PLEKHN1: variants seen among roughly 807,000 people sequenced by gnomAD.
PLEKHN1 encodes the protein pleckstrin homology domain-containing family N member 1.
Under a neutral mutation model 72.8 loss-of-function variants are expected in PLEKHN1, and 68 were observed. The ratio of observed to expected loss-of-function variants is 0.93; its 90% CI spans 0.77 to 1.14. The LOEUF (loss-of-function observed/expected upper bound fraction) is 1.14, where lower values mean the gene tolerates loss of function less well. PLEKHN1 is among the 50% of genes most tolerant of loss of function. The pLI, the probability that PLEKHN1 is intolerant of heterozygous loss-of-function variation, is 0.00. For missense variants in PLEKHN1, 1,015 were observed against 840.5 expected (o/e 1.21, Z -2.57); for synonymous variants, 454 against 371.6 (o/e 1.22, Z -2.55).
At chr1:969,395 G>C (rs1643165726) in intron 2 of PLEKHN1, among the ~76,000 whole-genome samples, 1 of 152,130 alleles carries the variant, frequency 6.6e-6, no homozygotes, top group Non-Finnish European at 1.5e-5. Context: ...ACACATCTGT[G>C]TGTATATGCA....
In PLEKHN1 at chr1:970,433, G is replaced by A. The variant is rs528526632; in HGVS notation, c.330+10G>A. ...GTTCCAGCACAGCCAGGTGGGGGCC[G>A]GGCTGGGTGGAGCACGCTAAGGGTG... On this transcript the variant is annotated intron_variant, in intron 3 of 15. Coordinates refer to ENST00000379410, the MANE Select transcript of PLEKHN1 (RefSeq NM_032129.3). This position sits in a 1 kb window ranked among gnomAD's most constrained non-coding sequence, Gnocchi z 4.2. The A allele has an allele frequency of 1.6e-4, 263 of 1,613,214 alleles. 3 individuals are homozygous for A. The South Asian group carries it at 2.0e-3, about 12-fold the overall frequency.
At position 973,892 on chromosome 1, in the gene PLEKHN1, G is replaced by A. The variant is rs1167363595; in HGVS notation, c.1494G>A (p.Val498=). The A allele has an allele frequency of 4.3e-6, 7 of 1,611,014 alleles. No homozygotes were observed. Among genetic ancestry groups the A allele is most frequent in the African/African-American group, 2.7e-5 (2 of 74,890 alleles). The part of the protein sequence containing the change: ...GPTPSSPLPS[V]PVSVPASDPR... ...CGCCCTCGAGCCCACTCCCCTCGGT[G>A]CCTGTGTCTGTGCCTGCCTCTGACC... The change falls in exon 14 of 16, where the codon GTG becomes GTA. Residue 498 remains valine (V), a synonymous_variant. Transcript: ENST00000379410.
At chr1:972,449 C>A in intron 10 of PLEKHN1, 25 bp downstream of exon 10, 1 of 1,542,250 alleles carries the variant, frequency 6.5e-7, no homozygotes, top group Non-Finnish European at 8.7e-7. Context: ...GGCCCCACAG[C>A]CCAGGTCCTG....
In PLEKHN1 at chr1:970,530, G is replaced by T. The variant is rs149041637; in HGVS notation, c.340G>T (p.Asp114Tyr). 2 of 1,613,110 alleles carry T rather than the reference G, an allele frequency of 1.2e-6. No homozygotes were observed. The highest frequency in any genetic ancestry group is 1.7e-5 in the Admixed American group (1 of 60,014). ...CCTGCTCCCCGCGCAGGATGTCAGC[G>T]ACTGCTACCTGGAGCTATTCCCCGC... ...LRFQHSQDVS[D>Y]CYLELFPAHL... The change falls in exon 4 of 16, where the codon GAC (aspartate) becomes TAC (tyrosine). Residue 114 changes from aspartate (D) to tyrosine (Y), a missense_variant. Physicochemically the swap from Asp to Tyr is radical, Grantham distance 160. Coordinates refer to ENST00000379410, the MANE Select transcript of PLEKHN1 (RefSeq NM_032129.3). This position sits in a 1 kb window ranked among gnomAD's most constrained non-coding sequence, Gnocchi z 4.2.
At chr1:968,975 C>T (rs28695703) in intron 2 of PLEKHN1, among the ~76,000 whole-genome samples, 8,319 of 152,214 alleles carry the variant, frequency 0.055, 745 homozygotes, top group African/African-American at 0.19. Context: ...GAGGATCGAC[C>T]CCAGAAATCT....
intron 2 of PLEKHN1, among the ~76,000 whole-genome samples, chr1:969,592 G>A (rs1643185046): frequency 6.6e-6 from 1 of 152,052 alleles, no homozygotes; most frequent in Non-Finnish European, 1.5e-5. Context: ...GTGTGGATAT[G>A]TATGCATGTA....
rs1416308302 is a variant in PLEKHN1, at chr1:970,090, G to A, written c.184-187G>A. On this transcript the variant is annotated intron_variant, in intron 2 of 15. Coordinates refer to ENST00000379410, the MANE Select transcript of PLEKHN1 (RefSeq NM_032129.3). The surrounding 1 kb of genome is among the most constrained non-coding windows in gnomAD (Gnocchi z 4.2). The stretch of plus-strand genomic sequence containing the variant: ...TGCACAGGTTCTGTGCCTGTGGGGG[G>A]CTGTTCTTCACGTATGTGTTGTGTG... Among the ~76,000 whole-genome samples the A allele has an allele frequency of 2.7e-5, 4 of 148,418 alleles. No homozygotes were observed. Among genetic ancestry groups the A allele is most frequent in the Admixed American group, 1.3e-4 (2 of 15,026 alleles).
chr1:970,893 C>T lies in PLEKHN1; in HGVS notation c.499C>T (p.Pro167Ser). The change falls in exon 6 of 16, where the codon CCC (proline) becomes TCC (serine). Residue 167 changes from proline to serine, a missense_variant. Coordinates refer to ENST00000379410, the MANE Select transcript of PLEKHN1 (RefSeq NM_032129.3). The surrounding 1 kb of genome is among the most constrained non-coding windows in gnomAD (Gnocchi z 4.2). ...AFQITGPLPAPLLVLCPSRAE... is the reference protein window; with the variant it reads ...AFQITGPLPASLLVLCPSRAE... Reference sequence around the variant, plus strand: ...CCTGCCCGCAGGCCCACTGCCCGCACCCCTCCTGGTGCTCTGCCCCAGCCG... The same window carrying T: ...CCTGCCCGCAGGCCCACTGCCCGCATCCCTCCTGGTGCTCTGCCCCAGCCG... The T allele has an allele frequency of 6.2e-7, 1 of 1,611,120 alleles. No individual in the cohort carries two copies. The highest frequency in any genetic ancestry group is 1.3e-5 in the African/African-American group (1 of 75,002).
intron 2 of PLEKHN1, among the ~76,000 whole-genome samples, chr1:969,725 T>C (rs566075542): frequency 2.7e-4 from 41 of 151,156 alleles, no homozygotes; most frequent in Admixed American, 8.0e-4. Flanking sequence ...TGTGTATGCA[T>C]CTGTGTCTGT....
Position 966,658 on chromosome 1 carries a change from C to T in PLEKHN1, c.83+44C>T, listed in dbSNP as rs762187462. 8 of 1,588,586 alleles carry T rather than the reference C, an allele frequency of 5.0e-6. No homozygotes were observed. The Admixed American group carries it at 1.2e-4, about 24-fold the overall frequency. ...CGGCCACCTGGGCGCAGGGCTCCCC[C>T]ACCCGCTCCGGGGCCAAGCCACGAG... On this transcript the variant is annotated intron_variant, in intron 1 of 15. Transcript: ENST00000379410.
Position 972,930 on chromosome 1 carries a change from C to T in PLEKHN1, c.1072C>T (p.Pro358Ser). The change falls in exon 11 of 16, where the codon CCC becomes TCC. Residue 358 changes from proline to serine, a missense_variant. Pro to Ser is a moderately conservative substitution (Grantham distance 74). Coordinates refer to ENST00000379410, the MANE Select transcript of PLEKHN1 (RefSeq NM_032129.3). ...CAGCTGGGACTCGGGGTGCTTGGCG[C>T]CCCCCTCCACCCGCACCAGCCACTC... ...QTSWDSGCLA[P>S]PSTRTSHSLP... The T allele has an allele frequency of 6.4e-7, 1 of 1,562,124 alleles. No individual in the cohort carries two copies. The highest frequency in any genetic ancestry group is 8.7e-7 in the Non-Finnish European group (1 of 1,153,246).
At position 970,911 on chromosome 1, in the gene PLEKHN1, C is replaced by T. The variant is rs538928859; in HGVS notation, c.517C>T (p.Pro173Ser). The change falls in exon 6 of 16, where the codon CCC (proline) becomes TCC (serine). Residue 173 changes from proline (P) to serine (S), a missense_variant. Coordinates refer to ENST00000379410, the MANE Select transcript of PLEKHN1 (RefSeq NM_032129.3). The surrounding 1 kb of genome is among the most constrained non-coding windows in gnomAD (Gnocchi z 4.2). ...PLPAPLLVLC[P>S]SRAELDRWLY... ...GCCCGCACCCCTCCTGGTGCTCTGCCCCAGCCGGGCCGAGCTGGACCGCTG... is the reference window on the plus strand; with the variant it reads ...GCCCGCACCCCTCCTGGTGCTCTGCTCCAGCCGGGCCGAGCTGGACCGCTG... The T allele has an allele frequency of 3.4e-4, 548 of 1,610,748 alleles. 5 individuals carry two copies. In the South Asian group the frequency reaches 5.7e-3, roughly 17 times the overall value.
rs572032419 is a variant in PLEKHN1 at position 973,023 on chromosome 1, G to A, written c.1152+13G>A. The A allele has an allele frequency of 1.4e-5, 22 of 1,591,780 alleles. No homozygotes were observed. In the East Asian group the frequency reaches 1.8e-4, roughly 13 times the overall value. On this transcript the variant is annotated intron_variant, in intron 11 of 15. Coordinates refer to ENST00000379410, the MANE Select transcript of PLEKHN1 (RefSeq NM_032129.3). ...CCAGCACACACCGGTGAGCGCTTAC[G>A]GGGTGGCAGACGAAAGTGGGGCAGA...
At chr1:966,917 C>A in intron 2 of PLEKHN1, 114 bp downstream of exon 2, 1 of 1,184,152 alleles carries the variant, frequency 8.4e-7, no homozygotes, top group Non-Finnish European at 1.1e-6. Context: ...CGTTCAGACC[C>A]CGGTAGGTGA....
chr1:972,154 G>A lies in PLEKHN1; in HGVS notation c.865+4G>A. The A allele has an allele frequency of 1.2e-6, 2 of 1,612,814 alleles. No homozygotes were observed. The highest frequency in any genetic ancestry group is 8.5e-7 in the Non-Finnish European group (1 of 1,179,754). ...ATCCGCTCCTTCCTGATTGAAGGTA[G>A]GGCCCTGACCCTGGTTCTGCCTCCC... is the stretch of plus-strand genomic sequence containing the variant. On this transcript the variant is annotated splice_donor_region_variant and intron_variant, in intron 9 of 15. Transcript: ENST00000379410.
chr1:970,548 T>C lies in PLEKHN1; in HGVS notation c.358T>C (p.Phe120Leu). 1 of 1,613,126 alleles carries C rather than the reference T, an allele frequency of 6.2e-7. No homozygotes were observed. The highest frequency in any genetic ancestry group is 2.2e-5 in the East Asian group (1 of 44,862). ...TGTCAGCGACTGCTACCTGGAGCTA[T>C]TCCCCGCCCACCTGTACTTCCAGGC... ...QDVSDCYLEL[F>L]PAHLYFQAHG... is the part of the protein sequence containing the mutation. Residue 120 changes from phenylalanine to leucine, a missense_variant, in exon 4 of 16, where the codon TTC (phenylalanine) becomes CTC (leucine). Transcript: ENST00000379410. The surrounding 1 kb of genome is among the most constrained non-coding windows in gnomAD (Gnocchi z 4.2).
In PLEKHN1 at chr1:974,674, G is replaced by A. The variant is rs993146364; in HGVS notation, c.*99G>A. On this transcript the variant is annotated 3_prime_UTR_variant, in exon 16 of 16. Coordinates refer to ENST00000379410, the MANE Select transcript of PLEKHN1 (RefSeq NM_032129.3). Reference sequence around the variant, plus strand: ...AATTACAAGTCAGGGTCTGAACCCAGTGTGATGGGGGGAGTCTCTGGGGCC... The same window carrying A: ...AATTACAAGTCAGGGTCTGAACCCAATGTGATGGGGGGAGTCTCTGGGGCC... The A allele has an allele frequency of 8.4e-6, 12 of 1,423,262 alleles. No homozygotes were observed. The highest frequency in any genetic ancestry group is 1.1e-5 in the Non-Finnish European group (12 of 1,069,202). 88.2% of individuals were successfully genotyped at this position (1,423,262 alleles called of 1,614,324 possible). A position where few individuals can be genotyped will look rare whatever the true frequency, so the allele number is the denominator to read the frequency against.
At chr1:974,236 G>A (rs1643500395) in intron 14 of PLEKHN1, 80 bp from the exon 15 acceptor site, 10 of 1,595,390 alleles carry the variant, frequency 6.3e-6, no homozygotes, top group Middle Eastern at 1.8e-4. Flanking sequence ...GGACATGGGG[G>A]GCTGCACAGT....
rs1037117285 is a variant in PLEKHN1, at chr1:967,008, T to C, written c.183+205T>C. ...GGAGAGCGAAACCGCGACGCAGGAC[T>C]GAGTCAGTCGGGAGAGAGCTGGGCG... On this transcript the variant is annotated intron_variant, in intron 2 of 15. Transcript: ENST00000379410. Among the ~76,000 whole-genome samples, 3 of 152,290 alleles carry C rather than the reference T, an allele frequency of 2.0e-5. No homozygotes were observed. The East Asian group carries it at 5.8e-4, about 30-fold the overall frequency.
Sources: allele counts gnomAD v4.1 joint callset (sites outside exome capture counted in the v4.1 genomes callset), GRCh38; gene constraint gnomAD v4.1.1; non-coding constraint Gnocchi (gnomAD v3.1); transcripts MANE v1.5; gene names NCBI Gene and HGNC (gene_info 2026-07-23, HGNC 2026-07-21).